Variants in CCDC171 observed in about 807,000 individuals in gnomAD.
CCDC171 encodes the protein coiled-coil domain-containing protein 171.
CCDC171 carries 177 observed loss-of-function variants against 168.2 expected under a neutral mutation model. The observed-to-expected ratio is 1.05, with a 90% CI of 0.93 to 1.19. CCDC171 has a LOEUF of 1.19. Among genes scored for constraint, CCDC171 ranks in the 50% most tolerant of loss-of-function variants. The pLI is 0.00. For missense variants in CCDC171, 1,991 were observed against 1,539.0 expected (o/e 1.29, Z -4.91); for synonymous variants, 687 against 540.8 (o/e 1.27, Z -3.75).
intron 3 of CCDC171, among the ~76,000 whole-genome samples, chr9:15,984,800 C>A (rs1299480311): frequency 6.6e-6 from 1 of 152,078 alleles, no homozygotes; most frequent in Non-Finnish European, 1.5e-5. Flanking sequence ...GAAACTAAGT[C>A]TCACAACAGA....
At chr9:16,029,435 A>G (rs2133037869) in intron 6 of CCDC171, among the ~76,000 whole-genome samples, 1 of 152,304 alleles carries the variant, frequency 6.6e-6, no homozygotes, top group Admixed American at 6.5e-5. Flanking sequence ...TAAATTGGTG[A>G]TGCTTGGAGG....
intron 24 of CCDC171, among the ~76,000 whole-genome samples, chr9:15,893,586 AAAAAC>A (rs1382396701): frequency 2.0e-5 from 3 of 152,202 alleles, no homozygotes; most frequent in Non-Finnish European, 4.4e-5. Flanking sequence ...ATTTACAAGA[AAAAAC>A]AAACAGCCCC....
Position 15,591,588 on chromosome 9 carries a change from T to A in CCDC171, c.543+32T>A, listed in dbSNP as rs769984240. On this transcript the variant is annotated intron_variant, in intron 5 of 25. Transcript: ENST00000380701. ...TAGTTTTTATAAAGGAATTTTCCGA[T>A]ATGTAATATTCACCGAGATGTGTTG... The A allele has an allele frequency of 2.2e-5, 27 of 1,201,884 alleles. No homozygotes were observed. The African/African-American group carries it at 3.1e-4, about 14-fold the overall frequency. The allele number at this position is 1,201,884 out of a possible 1,614,324, so 74.5% of individuals were successfully genotyped here.
chr9:15,624,406 T>C lies in CCDC171; in HGVS notation c.822+993T>C, dbSNP rs1019657283. 7.3e-4 allele frequency among the ~76,000 whole-genome samples: 111 copies of C among 152,170 alleles called. 1 individual carries two copies. The highest frequency in any genetic ancestry group is 2.5e-3 in the African/African-American group (102 of 41,442). On this transcript the variant is annotated intron_variant, in intron 7 of 25. Coordinates refer to ENST00000380701, the MANE Select transcript of CCDC171 (RefSeq NM_173550.4). Reference sequence around the variant, plus strand: ...GTATACATGTGCCATGTTGGTGTGCTGCACCCATTAACTCATCATTTACAT... The same window carrying C: ...GTATACATGTGCCATGTTGGTGTGCCGCACCCATTAACTCATCATTTACAT...
chr9:15,760,755 C>T lies in CCDC171; in HGVS notation c.2671+15124C>T, dbSNP rs563344647. 3.9e-5 allele frequency among the ~76,000 whole-genome samples: 6 copies of T among 152,242 alleles called. No individual in the cohort carries two copies. The East Asian group carries it at 1.2e-3, about 29-fold the overall frequency. ...GTAGAAAGTGCTAAAGGTGGCTGCC[C>T]CAGCTACCTTCCTAAACTTTGATGA... is the stretch of plus-strand genomic sequence containing the variant. On this transcript the variant is annotated intron_variant, in intron 18 of 25. Transcript: ENST00000380701.
intron 24 of CCDC171, among the ~76,000 whole-genome samples, chr9:15,910,116 A>G (rs1823396056): frequency 6.6e-6 from 1 of 152,086 alleles, no homozygotes; most frequent in Admixed American, 6.6e-5. Flanking sequence ...ATGTGGCTGC[A>G]TAAGACATGA....
At chr9:15,594,001 T>C (rs1416061299) in intron 5 of CCDC171, 40 bp from the exon 6 acceptor site, 1 of 1,424,862 alleles carries the variant, frequency 7.0e-7, no homozygotes, top group East Asian at 2.4e-5. Context: ...AGATAACTTT[T>C]ATTGATCTAA....
intron 7 of CCDC171, among the ~76,000 whole-genome samples, chr9:15,645,233 T>C (rs1247386144): frequency 2.0e-5 from 3 of 152,074 alleles, no homozygotes; most frequent in Non-Finnish European, 4.4e-5. Context: ...CAAAACCCCA[T>C]CTGTATGTCA....
intron 10 of CCDC171, among the ~76,000 whole-genome samples, chr9:15,684,329 T>A (rs977799458): frequency 1.3e-5 from 2 of 152,236 alleles, no homozygotes; most frequent in East Asian, 3.9e-4. Context: ...ATGTTTAAAA[T>A]GCTTATTTCA....
intron 7 of CCDC171, among the ~76,000 whole-genome samples, chr9:15,634,608 G>A (rs2046048079): frequency 1.3e-5 from 2 of 152,154 alleles, no homozygotes; most frequent in African/African-American, 4.8e-5. Context: ...ATGCCTTGAA[G>A]TCTAACTTCT....
At chr9:15,950,648 G>A (rs991047770) in intron 25 of CCDC171, among the ~76,000 whole-genome samples, 9 of 151,880 alleles carry the variant, frequency 5.9e-5, no homozygotes, top group Admixed American at 1.3e-4. Context: ...AGGAACAACC[G>A]ATACCAGCCG....
At chr9:15,627,559 C>A (rs2045264990) in intron 7 of CCDC171, among the ~76,000 whole-genome samples, 2 of 152,128 alleles carry the variant, frequency 1.3e-5, no homozygotes, top group Admixed American at 1.3e-4. Flanking sequence ...TTATTTCTGT[C>A]TTCATTTCGT....
intron 7 of CCDC171, among the ~76,000 whole-genome samples, chr9:15,625,664 C>G (rs1395100824): frequency 6.6e-6 from 1 of 152,088 alleles, no homozygotes; most frequent in Non-Finnish European, 1.5e-5. Flanking sequence ...CTGTTCTGTT[C>G]CATTGGTCTA....
At chr9:16,073,038 A>C in the CCDC171 span, among the ~76,000 whole-genome samples, 1 of 152,204 alleles carries the variant, frequency 6.6e-6, no homozygotes, top group African/African-American at 2.4e-5. Context: ...AAGCCTGTGC[A>C]TTATTTTTTA....
chr9:16,023,202 T>G (rs1230557820), intron 6 of CCDC171, among the ~76,000 whole-genome samples: 1 of 152,166 alleles, frequency 6.6e-6, no homozygotes, highest in African/African-American at 2.4e-5. Flanking sequence ...CAATTTGAAC[T>G]GCTTATTAAC....
intron 23 of CCDC171, among the ~76,000 whole-genome samples, chr9:15,868,122 G>A (rs185428978): frequency 3.3e-5 from 5 of 152,070 alleles, no homozygotes; most frequent in African/African-American, 1.2e-4. Context: ...GTGTGGTTGT[G>A]GTGGTGGATT....
intron 1 of CCDC171, among the ~76,000 whole-genome samples, chr9:16,058,668 G>C (rs1833882175): frequency 1.3e-5 from 2 of 152,340 alleles, no homozygotes; most frequent in South Asian, 4.1e-4. Flanking sequence ...ATTCCCCGCT[G>C]TGTTTCCTTT....
At chr9:15,581,195 A>C (rs1273811395) in intron 4 of CCDC171, among the ~76,000 whole-genome samples, 2 of 152,170 alleles carry the variant, frequency 1.3e-5, no homozygotes, top group East Asian at 1.9e-4. Context: ...CTACAAACAG[A>C]ATAAAATACC....
Position 15,642,332 on chromosome 9 carries a change from C to CGTGT in CCDC171, c.823-14786_823-14783dup, listed in dbSNP as rs1220559854. ...GTATACACGTATATATATATATACA[C>CGTGT]GTGTGTGTGTGTATATATATATATA... On this transcript the variant is annotated intron_variant, in intron 7 of 25. Coordinates refer to ENST00000380701, the MANE Select transcript of CCDC171 (RefSeq NM_173550.4). Among the ~76,000 whole-genome samples, 586 of 69,250 alleles carry CGTGT rather than the reference C, an allele frequency of 8.5e-3. 6 individuals carry two copies. The highest frequency in any genetic ancestry group is 0.013 in the East Asian group (20 of 1,592). 45.4% of individuals were successfully genotyped at this position (69,250 alleles called of 152,430 possible). A position where few individuals can be genotyped will look rare whatever the true frequency, so the allele number is the denominator to read the frequency against.
Sources: gnomAD v4.1 joint callset for allele counts (sites outside exome capture counted in the v4.1 genomes callset) on GRCh38, gnomAD v4.1.1 for gene constraint, MANE v1.5 for transcripts, NCBI Gene and HGNC (gene_info 2026-07-23, HGNC 2026-07-21) for gene names.